The following CIMIP7 variants were observed in gnomAD, a reference collection of about 807,000 sequenced individuals.
The protein encoded by CIMIP7 is uncharacterized protein C3orf84.
the CIMIP7 span, among the ~76,000 whole-genome samples, chr3:49,184,626 A>AAT: frequency 7.5e-6 from 1 of 133,644 alleles, no homozygotes; most frequent in East Asian, 2.1e-4. Context: ...GGCCTATGTA[A>AAT]TTTTTTTTTT....
the CIMIP7 span, chr3:49,178,062 G>A: frequency 3.3e-5 from 52 of 1,572,262 alleles, no homozygotes; most frequent in African/African-American, 2.6e-4. Context: ...CCTCCTCAAC[G>A]GTATGGGCCC....
At chr3:49,181,914 G>A in the CIMIP7 span, among the ~76,000 whole-genome samples, 1 of 152,158 alleles carries the variant, frequency 6.6e-6, no homozygotes, top group Admixed American at 6.6e-5. Flanking sequence ...TCCTTCTGAC[G>A]TTCGGATGTG....
At chr3:49,189,950 G>T in the CIMIP7 span, 1 of 1,060,644 alleles carries the variant, frequency 9.4e-7, no homozygotes, top group South Asian at 1.3e-5. Context: ...GGAAGGGCTG[G>T]GATGATGCTT....
the CIMIP7 span, among the ~76,000 whole-genome samples, chr3:49,181,777 C>T: frequency 1.3e-5 from 2 of 152,202 alleles, no homozygotes; most frequent in African/African-American, 4.8e-5. Context: ...GATTTACAGA[C>T]GACAAATAAC....
chr3:49,181,902 G>T, the CIMIP7 span, among the ~76,000 whole-genome samples: 2 of 152,196 alleles, frequency 1.3e-5, no homozygotes, highest in Non-Finnish European at 2.9e-5. Flanking sequence ...TCCGGAGTTT[G>T]TTCCTTCTGA....
chr3:49,190,229 C>T, the CIMIP7 span: 4 of 845,674 alleles, frequency 4.7e-6, no homozygotes, highest in Non-Finnish European at 7.4e-6. Context: ...TCCAGGAAAG[C>T]CAGACCAGAA....
chr3:49,184,925 G>A, the CIMIP7 span, among the ~76,000 whole-genome samples: 16 of 150,400 alleles, frequency 1.1e-4, no homozygotes, highest in South Asian at 2.2e-4. Flanking sequence ...CACTGCGCCC[G>A]ACCTATAACA....
chr3:49,182,670 C>T, the CIMIP7 span, among the ~76,000 whole-genome samples: 1 of 152,234 alleles, frequency 6.6e-6, no homozygotes, highest in Admixed American at 6.5e-5. Context: ...GCCCACACTT[C>T]TCAGCCCTTG....
At chr3:49,190,049 T>A in the CIMIP7 span, 1 of 1,613,782 alleles carries the variant, frequency 6.2e-7, no homozygotes, top group East Asian at 2.2e-5. Context: ...GGAACACTGC[T>A]GGAGGCTGGG....
the CIMIP7 span, chr3:49,178,593 C>T: frequency 6.7e-7 from 1 of 1,488,270 alleles, no homozygotes; most frequent in Non-Finnish European, 9.3e-7. Context: ...TATTTACCCA[C>T]CCTTACCTGG....
At chr3:49,188,476 G>A in the CIMIP7 span, among the ~76,000 whole-genome samples, 1 of 152,162 alleles carries the variant, frequency 6.6e-6, no homozygotes, top group Non-Finnish European at 1.5e-5. Context: ...GGGAGGACAT[G>A]GAGGAAAAGA....
the CIMIP7 span, chr3:49,177,811 CAGA>C: frequency 6.2e-7 from 1 of 1,612,676 alleles, no homozygotes; most frequent in Non-Finnish European, 8.5e-7. Flanking sequence ...GGATGGGCAG[CAGA>C]AGTTCTGCTG....
chr3:49,182,983 C>T, the CIMIP7 span, among the ~76,000 whole-genome samples: 1 of 152,164 alleles, frequency 6.6e-6, no homozygotes, highest in Non-Finnish European at 1.5e-5. Flanking sequence ...GCCCCAGTTC[C>T]CCCTCTGGCC....
the CIMIP7 span, among the ~76,000 whole-genome samples, chr3:49,184,085 C>T: frequency 8.1e-3 from 1,240 of 152,304 alleles, 9 homozygotes; most frequent in South Asian, 0.013. Flanking sequence ...TCAGCCTTGA[C>T]CTCCTGGGCT....
chr3:49,180,641 C>T, the CIMIP7 span, among the ~76,000 whole-genome samples: 1 of 149,704 alleles, frequency 6.7e-6, no homozygotes, highest in Admixed American at 6.7e-5. Flanking sequence ...TTAAGAGTTC[C>T]CTTTTTAGGC....
the CIMIP7 span, among the ~76,000 whole-genome samples, chr3:49,185,225 C>T: frequency 6.7e-6 from 1 of 149,992 alleles, no homozygotes; most frequent in African/African-American, 2.5e-5. Flanking sequence ...CACGACACTG[C>T]ACTCCAGCCT....
At chr3:49,177,691 T>G in the CIMIP7 span, 6 of 1,609,900 alleles carry the variant, frequency 3.7e-6, no homozygotes, top group Non-Finnish European at 5.1e-6. Flanking sequence ...GACCCCAGCA[T>G]GAAGGTAGTG....
the CIMIP7 span, among the ~76,000 whole-genome samples, chr3:49,191,313 T>G: frequency 6.6e-6 from 1 of 152,184 alleles, no homozygotes; most frequent in Non-Finnish European, 1.5e-5. Context: ...AACCCCTCAC[T>G]CTCTATTCAG....
the CIMIP7 span, among the ~76,000 whole-genome samples, chr3:49,190,402 T>C: frequency 1.3e-5 from 2 of 151,794 alleles, no homozygotes; most frequent in Non-Finnish European, 1.5e-5. Flanking sequence ...GTGCCATTCA[T>C]TTAGAGCAGA....
Sources: allele counts gnomAD v4.1 joint callset (sites outside exome capture counted in the v4.1 genomes callset), GRCh38; gene constraint gnomAD v4.1.1; transcripts MANE v1.5; gene names NCBI Gene and HGNC (gene_info 2026-07-23, HGNC 2026-07-21).